Variants in PACRG observed in about 807,000 individuals in gnomAD.
PACRG encodes the protein parkin coregulated gene protein.
PACRG carries 29 observed loss-of-function variants against 29.7 expected under a neutral mutation model. The ratio of observed to expected loss-of-function variants is 0.98; its 90% CI spans 0.73 to 1.33. The LOEUF (loss-of-function observed/expected upper bound fraction) is 1.33, where lower values mean the gene tolerates loss of function less well. PACRG is among the 40% of genes most tolerant of loss of function. PACRG has a pLI of 0.00. For missense variants in PACRG, 279 were observed against 316.2 expected (o/e 0.88, Z 0.89); for synonymous variants, 116 against 118.7 (o/e 0.98, Z 0.15).
rs1788492984 is a variant in PACRG at position 162,828,753 on chromosome 6, TAA to T, written c.291+14473_291+14474del. The stretch of plus-strand genomic sequence containing the variant: ...ATATTGTCTAAATTATTTTTAAAAA[TAA>T]GAGTCCTAACTTAATAATTTGCCCT... On this transcript the variant is annotated intron_variant, in intron 2 of 4. Coordinates refer to ENST00000366888, the MANE Select transcript of PACRG (RefSeq NM_001080379.2). Among the ~76,000 whole-genome samples the T allele has an allele frequency of 1.2e-4, 18 of 151,812 alleles. No homozygotes were observed. In the South Asian group the frequency reaches 3.7e-3, roughly 31 times the overall value.
At position 163,197,434 on chromosome 6, in the gene PACRG, CTTTTTTT is replaced by C. The variant is rs57942658; in HGVS notation, c.613+108045_613+108051del. The stretch of plus-strand genomic sequence containing the variant: ...ACTGGTGGCTATTTTCTTTTCTTTT[CTTTTTTT>C]TTTTTTTTTTTTTTTTTTGTGAGAC... On this transcript the variant is annotated intron_variant, in intron 4 of 4. Coordinates refer to ENST00000366888, the MANE Select transcript of PACRG (RefSeq NM_001080379.2). Among the ~76,000 whole-genome samples the C allele has an allele frequency of 7.2e-4, 77 of 106,276 alleles. 1 individual carries two copies. The highest frequency in any genetic ancestry group is 1.8e-3 in the Admixed American group (17 of 9,594). 69.7% of individuals were successfully genotyped at this position (106,276 alleles called of 152,430 possible). A position where few individuals can be genotyped will look rare whatever the true frequency, so the allele number is the denominator to read the frequency against.
Position 163,029,821 on chromosome 6 carries a change from T to C in PACRG, c.292-32329T>C, listed in dbSNP as rs147393746. 2.0e-3 allele frequency among the ~76,000 whole-genome samples: 310 copies of C among 152,284 alleles called. 3 individuals are homozygous for C. The highest frequency in any genetic ancestry group is 7.1e-3 in the African/African-American group (293 of 41,558). ...TGAACCACTCAGTCATCCAACCAGC[T>C]GTAGAGCTGCTCTAGGGACTTCCTG... On this transcript the variant is annotated intron_variant, in intron 2 of 4. Coordinates refer to ENST00000366888, the MANE Select transcript of PACRG (RefSeq NM_001080379.2).
At chr6:163,308,930 T>C (rs1005574099) in intron 4 of PACRG, among the ~76,000 whole-genome samples, 2 of 152,220 alleles carry the variant, frequency 1.3e-5, no homozygotes, top group African/African-American at 4.8e-5. Context: ...TCCTTTTACT[T>C]GGGCCTTAAA....
intron 1 of PACRG, among the ~76,000 whole-genome samples, chr6:162,738,229 G>C (rs1197009041): frequency 1.3e-5 from 2 of 152,188 alleles, no homozygotes; most frequent in African/African-American, 4.8e-5. Context: ...GATGGATACA[G>C]AGATAGATGC....
At chr6:162,851,995 GGGA>G (rs1281432979) in intron 2 of PACRG, among the ~76,000 whole-genome samples, 1 of 110,864 alleles carries the variant, frequency 9.0e-6, no homozygotes, top group Non-Finnish European at 2.1e-5. Flanking sequence ...AAGGGAGGGA[GGGA>G]GGGAGGGAGG....
intron 4 of PACRG, among the ~76,000 whole-genome samples, chr6:163,154,772 T>G (rs1212888486): frequency 2.0e-5 from 3 of 152,246 alleles, no homozygotes; most frequent in Non-Finnish European, 4.4e-5. Flanking sequence ...TAAAGTTAAC[T>G]GAGCATCTGT....
intron 4 of PACRG, among the ~76,000 whole-genome samples, chr6:163,255,422 T>C (rs1299877940): frequency 1.3e-5 from 2 of 152,068 alleles, no homozygotes; most frequent in East Asian, 1.9e-4. Context: ...GGTGTTTGCA[T>C]AGAGGCAACT....
intron 4 of PACRG, among the ~76,000 whole-genome samples, chr6:163,120,231 A>G (rs1816203613): frequency 6.6e-6 from 1 of 152,190 alleles, no homozygotes; most frequent in South Asian, 2.1e-4. Flanking sequence ...TTTGAAAAGA[A>G]GTTCTGCTCT....
chr6:162,806,359 C>T (rs886343205), intron 1 of PACRG, among the ~76,000 whole-genome samples: 1 of 151,646 alleles, frequency 6.6e-6, no homozygotes, highest in Non-Finnish European at 1.5e-5. Flanking sequence ...CCACCCCCAC[C>T]TCAGGCTTCC....
At chr6:162,789,949 C>G (rs1051315926) in intron 1 of PACRG, among the ~76,000 whole-genome samples, 2 of 152,086 alleles carry the variant, frequency 1.3e-5, no homozygotes, top group Non-Finnish European at 2.9e-5. Context: ...TGGAGTAACA[C>G]CTGATCATAA....
At chr6:163,165,944 A>G (rs957067120) in intron 4 of PACRG, 6 of 367,416 alleles carry the variant, frequency 1.6e-5, no homozygotes, top group Non-Finnish European at 2.7e-5. Flanking sequence ...ACTTCCTTCA[A>G]TACAGAATTA....
At chr6:162,727,939 G>A, upstream of PACRG, 1 of 594,446 alleles carries the variant, frequency 1.7e-6, no homozygotes, top group South Asian at 2.0e-5. Flanking sequence ...ACGTCACCGG[G>A]GGGCGGGGCT....
At chr6:162,743,952 G>A (rs1780793274) in intron 1 of PACRG, among the ~76,000 whole-genome samples, 1 of 152,068 alleles carries the variant, frequency 6.6e-6, no homozygotes, top group Non-Finnish European at 1.5e-5. Context: ...AAATACTTTT[G>A]TTTGTAATAG....
At chr6:163,014,576 G>A (rs1447444818) in intron 2 of PACRG, among the ~76,000 whole-genome samples, 2 of 151,524 alleles carry the variant, frequency 1.3e-5, no homozygotes, top group African/African-American at 2.4e-5. Flanking sequence ...ATGGTATCTC[G>A]TGGTTTTGAT....
intron 2 of PACRG, among the ~76,000 whole-genome samples, chr6:162,851,434 A>C (rs1209652542): frequency 6.6e-6 from 1 of 152,216 alleles, no homozygotes; most frequent in Non-Finnish European, 1.5e-5. Flanking sequence ...AGTCTCTTAG[A>C]GATCTTTATT....
At chr6:162,727,363 G>A, upstream of PACRG, 3 of 415,620 alleles carry the variant, frequency 7.2e-6, no homozygotes, top group South Asian at 3.2e-5. Flanking sequence ...CACACGGTCC[G>A]GGGGACCGCG....
At chr6:162,834,628 G>T (rs1789065204) in intron 2 of PACRG, among the ~76,000 whole-genome samples, 1 of 151,398 alleles carries the variant, frequency 6.6e-6, no homozygotes, top group Non-Finnish European at 1.5e-5. Context: ...ATTGCAAAGG[G>T]TATCTAGTTA....
intron 4 of PACRG, among the ~76,000 whole-genome samples, chr6:163,112,500 T>C (rs991513955): frequency 6.6e-6 from 1 of 152,164 alleles, no homozygotes; most frequent in African/African-American, 2.4e-5. Flanking sequence ...CCCCTCCCCC[T>C]CTGGTTGAAG....
intron 2 of PACRG, among the ~76,000 whole-genome samples, chr6:162,843,154 G>A (rs1204826096): frequency 1.5e-5 from 2 of 136,716 alleles, no homozygotes; most frequent in African/African-American, 2.8e-5. Flanking sequence ...TGCCTTGCTA[G>A]ATTGGGGAAG....
Sources: allele counts gnomAD v4.1 joint callset (sites outside exome capture counted in the v4.1 genomes callset), GRCh38; gene constraint gnomAD v4.1.1; transcripts MANE v1.5; gene names NCBI Gene and HGNC (gene_info 2026-07-23, HGNC 2026-07-21).